The following PCBP2 variants were observed in gnomAD, a reference collection of about 807,000 sequenced individuals.
The protein encoded by PCBP2 is poly(rC) binding protein 2.
In PCBP2, 4 loss-of-function variants were observed where a neutral mutation model predicts 50.1. The ratio of observed to expected loss-of-function variants is 0.08; its 90% confidence interval spans 0.04 to 0.18. PCBP2 has a LOEUF of 0.18. Ranked by LOEUF, PCBP2 falls within the 10% of genes least tolerant of loss-of-function variation. PCBP2 has a pLI of 1.00. For missense variants in PCBP2, 161 were observed against 474.3 expected (o/e 0.34, Z 6.14); for synonymous variants, 179 against 168.0 (o/e 1.07, Z -0.51).
chr12:53,458,139 G>A (rs1941176314), intron 5 of PCBP2, among the ~76,000 whole-genome samples: 1 of 152,102 alleles, frequency 6.6e-6, no homozygotes, highest in Admixed American at 6.5e-5. Flanking sequence ...ATGTTGGCCA[G>A]GCTGGTCTCG....
intron 14 of PCBP2, among the ~76,000 whole-genome samples, chr12:53,477,993 A>T (rs1476072063): frequency 6.6e-6 from 1 of 152,170 alleles, no homozygotes; most frequent in Non-Finnish European, 1.5e-5. Flanking sequence ...CTGCCTACCT[A>T]CCTACCAGTG....
chr12:53,468,507 C>CTT, intron 12 of PCBP2: 1 of 488,090 alleles, frequency 2.0e-6, no homozygotes, highest in Non-Finnish European at 3.7e-6. Flanking sequence ...CTCCCTTGCC[C>CTT]TTGCTTCCAT....
At chr12:53,473,931 G>A (rs1210444788) in intron 14 of PCBP2, among the ~76,000 whole-genome samples, 1 of 152,062 alleles carries the variant, frequency 6.6e-6, no homozygotes, top group Non-Finnish European at 1.5e-5. Context: ...CTTGGACATA[G>A]GTAAATAAAA....
chr12:53,478,574 C>T (rs1942817714), intron 14 of PCBP2, among the ~76,000 whole-genome samples: 1 of 152,184 alleles, frequency 6.6e-6, no homozygotes, highest in African/African-American at 2.4e-5. Flanking sequence ...GAGGCAGAGG[C>T]AGGCAGATCA....
At chr12:53,452,850 G>T (rs1592626585) in intron 1 of PCBP2, 1 of 151,898 alleles carries the variant, frequency 6.6e-6, no homozygotes, top group African/African-American at 2.4e-5. Context: ...CTTTCTAGTC[G>T]AGGGAAGGGG....
chr12:53,477,728 A>T (rs1184577905), intron 14 of PCBP2, among the ~76,000 whole-genome samples: 1 of 151,146 alleles, frequency 6.6e-6, no homozygotes, highest in African/African-American at 2.4e-5. Context: ...AGGTGGAGAA[A>T]CCATTTCTGA....
chr12:53,467,693 T>C (rs1054532561), intron 11 of PCBP2, 112 bp from the exon 12 acceptor site: 11 of 883,106 alleles, frequency 1.2e-5, no homozygotes, highest in African/African-American at 3.4e-5. Flanking sequence ...TTTTTTGTTT[T>C]TGTTTTTGTT....
chr12:53,468,889 G>C, intron 13 of PCBP2, 57 bp downstream of exon 13: 1 of 1,151,156 alleles, frequency 8.7e-7, no homozygotes, highest in Non-Finnish European at 1.3e-6. Context: ...TAAAGAAATA[G>C]ATGTCGTTTC....
intron 7 of PCBP2, among the ~76,000 whole-genome samples, chr12:53,462,020 A>T (rs1941486074): frequency 6.6e-6 from 1 of 152,134 alleles, no homozygotes; most frequent in Non-Finnish European, 1.5e-5. Flanking sequence ...GGAAACTGGA[A>T]TTTTCAAGTA....
At chr12:53,472,981 T>C (rs1305880566) in intron 14 of PCBP2, among the ~76,000 whole-genome samples, 2 of 152,212 alleles carry the variant, frequency 1.3e-5, no homozygotes, top group Admixed American at 1.3e-4. Flanking sequence ...AAGAGGTCTT[T>C]TTCTTTTTTA....
At chr12:53,471,564 G>C in intron 13 of PCBP2, 74 bp from the exon 14 acceptor site, 1 of 1,381,794 alleles carries the variant, frequency 7.2e-7, no homozygotes, top group Non-Finnish European at 9.7e-7. Flanking sequence ...AGGATTTGGG[G>C]TGGGGGGGTG....
chr12:53,463,968 A>G (rs1305015133), intron 8 of PCBP2, among the ~76,000 whole-genome samples: 1 of 152,186 alleles, frequency 6.6e-6, no homozygotes, highest in Non-Finnish European at 1.5e-5. Context: ...GAGGTTTCAC[A>G]GGAAGGTCGG....
chr12:53,455,233 C>T lies in PCBP2; in HGVS notation c.70-114C>T, dbSNP rs1940909861. The T allele has an allele frequency of 6.0e-6, 6 of 1,000,936 alleles. No individual in the cohort carries two copies. In the South Asian group the frequency reaches 6.8e-5, roughly 11 times the overall value. 62.0% of individuals were successfully genotyped at this position (1,000,936 alleles called of 1,614,324 possible). On this transcript the variant is annotated intron_variant, in intron 2 of 14. Coordinates refer to ENST00000546463, the MANE Select transcript of PCBP2 (RefSeq NM_031989.5). ...TCTGTTGGCTAGACAGTTAAAATTC[C>T]TTTTCATAATGAATACTTCATTAGA...
chr12:53,462,365 C>A, intron 7 of PCBP2, 128 bp from the exon 8 acceptor site: 1 of 643,550 alleles, frequency 1.6e-6, no homozygotes, highest in South Asian at 2.4e-5. Flanking sequence ...TAGCCAGAGA[C>A]AATTTGGTAG....
chr12:53,463,091 C>T (rs914921635), intron 8 of PCBP2, among the ~76,000 whole-genome samples: 25 of 152,140 alleles, frequency 1.6e-4, no homozygotes, highest in Non-Finnish European at 1.6e-4. Context: ...TGGTTTGAAC[C>T]CACATGGCAT....
chr12:53,459,482 G>A lies in PCBP2; in HGVS notation c.375+79G>A, dbSNP rs547402288. The A allele has an allele frequency of 1.2e-5, 16 of 1,301,900 alleles. No individual in the cohort carries two copies. In the South Asian group the frequency reaches 1.9e-4, roughly 16 times the overall value. The allele number at this position is 1,301,900 out of a possible 1,614,324, so 80.6% of individuals were successfully genotyped here. ...CTCTTTGTATGGCTAGGAAAAGTTA[G>A]CAATGAGATGAAGATTTTTATTGAA... is the stretch of plus-strand genomic sequence containing the variant. On this transcript the variant is annotated intron_variant, in intron 6 of 14. Transcript: ENST00000546463.
intron 6 of PCBP2, chr12:53,459,826 C>T (rs1313919277): frequency 1.1e-5 from 5 of 453,314 alleles, no homozygotes; most frequent in Non-Finnish European, 2.2e-5. Context: ...GCAGTCATGG[C>T]TCACTGCAGC....
At chr12:53,468,711 A>T in intron 12 of PCBP2, 66 bp from the exon 13 acceptor site, 2 of 1,157,940 alleles carry the variant, frequency 1.7e-6, no homozygotes, top group Non-Finnish European at 2.6e-6. Context: ...CTGTTAGTTT[A>T]ATGTGCAAGT....
rs200626994 is a variant in PCBP2, at chr12:53,462,343, TGA to T, written c.505-147_505-146del. The T allele has an allele frequency of 2.6e-3, 1,403 of 532,714 alleles. 13 individuals carry two copies. The highest frequency in any genetic ancestry group is 0.024 in the African/African-American group (1,261 of 52,772). The allele number at this position is 532,714 out of a possible 1,614,324, so 33.0% of individuals were successfully genotyped here. A position where few individuals can be genotyped will look rare whatever the true frequency, so the allele number is the denominator to read the frequency against. The stretch of plus-strand genomic sequence containing the variant: ...GGCAAATAACTTTCAGTAGATAAAT[TGA>T]GATTAGATCTAGCCAGAGACAATTT... On this transcript the variant is annotated intron_variant, in intron 7 of 14. Transcript: ENST00000546463.
Sources: allele counts gnomAD v4.1 joint callset (sites outside exome capture counted in the v4.1 genomes callset), GRCh38; gene constraint gnomAD v4.1.1; transcripts MANE v1.5; gene names NCBI Gene and HGNC (gene_info 2026-07-23, HGNC 2026-07-21).